PPP2R3A: variants seen among roughly 807,000 people sequenced by gnomAD.
The protein encoded by PPP2R3A is protein phosphatase 2 regulatory subunit B''alpha.
PPP2R3A carries 80 observed loss-of-function variants against 106.9 expected under a neutral mutation model. The ratio of observed to expected loss-of-function variants is 0.75; its 90% confidence interval spans 0.62 to 0.90. The LOEUF (loss-of-function observed/expected upper bound fraction) is 0.90, where lower values mean the gene tolerates loss of function less well. Among genes scored for constraint, PPP2R3A ranks in the 40% least tolerant of loss-of-function variants. PPP2R3A has a pLI of 0.00. For missense variants in PPP2R3A, 1,386 were observed against 1,350.4 expected (o/e 1.03, Z -0.41); for synonymous variants, 483 against 468.3 (o/e 1.03, Z -0.41).
chr3:135,993,656 A>G (rs767666034), intron 1 of PPP2R3A, among the ~76,000 whole-genome samples: 38 of 152,264 alleles, frequency 2.5e-4, no homozygotes, highest in Non-Finnish European at 4.4e-4. Context: ...AGCTGTATGA[A>G]TATACCAGAA....
chr3:136,082,116 G>A (rs1936796897), intron 7 of PPP2R3A, 149 bp from the exon 8 acceptor site: 2 of 599,108 alleles, frequency 3.3e-6, no homozygotes, highest in Non-Finnish European at 5.8e-6. Context: ...TTGATTAAAG[G>A]TAGGATGAGG....
intron 8 of PPP2R3A, among the ~76,000 whole-genome samples, chr3:136,084,066 T>C (rs1406255492): frequency 6.6e-6 from 1 of 152,168 alleles, no homozygotes; most frequent in Non-Finnish European, 1.5e-5. Flanking sequence ...GCATAAATAA[T>C]GGGGAGTCAA....
At chr3:136,049,766 A>T (rs143403567) in intron 5 of PPP2R3A, among the ~76,000 whole-genome samples, 136 of 152,336 alleles carry the variant, frequency 8.9e-4, no homozygotes, top group Middle Eastern at 3.4e-3. Flanking sequence ...AAAGGTCATG[A>T]TGTAACCAGG....
intron 2 of PPP2R3A, among the ~76,000 whole-genome samples, chr3:136,018,040 G>A (rs550396000): frequency 1.3e-5 from 2 of 152,336 alleles, no homozygotes; most frequent in African/African-American, 4.8e-5. Flanking sequence ...GCTGAGGTGG[G>A]CAGATTGCTT....
chr3:135,970,518 TAGAG>T (rs1041029846), intron 1 of PPP2R3A, among the ~76,000 whole-genome samples: 2 of 152,170 alleles, frequency 1.3e-5, no homozygotes, highest in Non-Finnish European at 2.9e-5. Flanking sequence ...ATGTTTCAAA[TAGAG>T]AGGTGTCATC....
chr3:136,000,253 C>A (rs1933569972), intron 1 of PPP2R3A, among the ~76,000 whole-genome samples: 1 of 152,088 alleles, frequency 6.6e-6, no homozygotes, highest in Admixed American at 6.5e-5. Flanking sequence ...GGGTTTTTTC[C>A]CCTTGTTTTA....
chr3:136,129,273 C>G (rs1384979383), intron 13 of PPP2R3A, among the ~76,000 whole-genome samples: 1 of 150,800 alleles, frequency 6.6e-6, no homozygotes, highest in East Asian at 1.9e-4. Flanking sequence ...TACACCTCTA[C>G]CAAGACTAAT....
At chr3:136,125,951 T>C (rs778976275) in intron 13 of PPP2R3A, among the ~76,000 whole-genome samples, 1 of 152,192 alleles carries the variant, frequency 6.6e-6, no homozygotes. Context: ...AGAGGGGAAG[T>C]TGCTAAGCCT....
intron 4 of PPP2R3A, among the ~76,000 whole-genome samples, chr3:136,045,043 C>T (rs1434477907): frequency 2.0e-5 from 3 of 152,190 alleles, no homozygotes; most frequent in Non-Finnish European, 2.9e-5. Flanking sequence ...CTCTAAGAGG[C>T]TCTAACCTTT....
At chr3:135,968,885 C>A (rs540211035) in intron 1 of PPP2R3A, among the ~76,000 whole-genome samples, 2 of 152,210 alleles carry the variant, frequency 1.3e-5, no homozygotes, top group Admixed American at 6.5e-5. Context: ...TATATAGTTT[C>A]CTTATTTTTT....
chr3:136,127,124 G>A (rs770539032), intron 13 of PPP2R3A, among the ~76,000 whole-genome samples: 1 of 152,210 alleles, frequency 6.6e-6, no homozygotes, highest in Non-Finnish European at 1.5e-5. Flanking sequence ...AAGGATCACA[G>A]CTTCTCGCCA....
intron 13 of PPP2R3A, among the ~76,000 whole-genome samples, chr3:136,114,513 C>G (rs981080235): frequency 1.3e-5 from 2 of 152,218 alleles, no homozygotes; most frequent in African/African-American, 4.8e-5. Flanking sequence ...CCCACAGAAC[C>G]CAGCAAACTA....
chr3:136,039,484 G>A (rs1324734366), intron 3 of PPP2R3A, among the ~76,000 whole-genome samples: 1 of 152,086 alleles, frequency 6.6e-6, no homozygotes, highest in African/African-American at 2.4e-5. Context: ...GGTAGAGTGG[G>A]GGTAGTTTCA....
At chr3:136,134,203 C>CA (rs1938524355) in intron 13 of PPP2R3A, among the ~76,000 whole-genome samples, 1 of 152,138 alleles carries the variant, frequency 6.6e-6, no homozygotes, top group Non-Finnish European at 1.5e-5. Context: ...ATTGCAGAAA[C>CA]ACCTCACTCT....
intron 1 of PPP2R3A, among the ~76,000 whole-genome samples, chr3:135,990,648 A>G (rs1019309203): frequency 6.6e-6 from 1 of 152,202 alleles, no homozygotes; most frequent in Non-Finnish European, 1.5e-5. Context: ...AGAAAGGGAC[A>G]GGACTTAAAG....
At chr3:136,096,969 A>T (rs567280612) in intron 10 of PPP2R3A, among the ~76,000 whole-genome samples, 4 of 152,166 alleles carry the variant, frequency 2.6e-5, no homozygotes, top group Non-Finnish European at 4.4e-5. Context: ...ACTTTGTCTC[A>T]CACACACACA....
chr3:136,002,675 G>A lies in PPP2R3A; in HGVS notation c.1177G>A (p.Val393Ile). The part of the protein sequence containing the change: ...NDPRTLKAVQ[V>I]QSQSLTMNPL... ...TCCTAGAACTCTAAAAGCTGTCCAG[G>A]TCCAATCACAGTCATTAACCATGAA... The change falls in exon 2 of 14, where the codon GTC becomes ATC. Residue 393 changes from valine to isoleucine, a missense_variant. By Grantham distance (29) the Val-to-Ile change is conservative. Coordinates refer to ENST00000264977, the MANE Select transcript of PPP2R3A (RefSeq NM_002718.5). 1 of 1,613,326 alleles carries A rather than the reference G, an allele frequency of 6.2e-7. No individual in the cohort carries two copies. Among genetic ancestry groups the A allele is most frequent in the Non-Finnish European group, 8.5e-7 (1 of 1,179,394 alleles).
At chr3:135,975,160 G>GT (rs1194740068) in intron 1 of PPP2R3A, among the ~76,000 whole-genome samples, 1 of 152,198 alleles carries the variant, frequency 6.6e-6, no homozygotes, top group African/African-American at 2.4e-5. Context: ...CCCTCAATGA[G>GT]TGGAGGCTCA....
chr3:136,085,172 G>A (rs1214527334), intron 8 of PPP2R3A, among the ~76,000 whole-genome samples: 1 of 152,150 alleles, frequency 6.6e-6, no homozygotes, highest in Non-Finnish European at 1.5e-5. Flanking sequence ...TAATCCCCAA[G>A]TGAAATGGGA....
Sources: gnomAD v4.1 joint callset for allele counts (sites outside exome capture counted in the v4.1 genomes callset) on GRCh38, gnomAD v4.1.1 for gene constraint, MANE v1.5 for transcripts, NCBI Gene and HGNC (gene_info 2026-07-23, HGNC 2026-07-21) for gene names.